The following RBBP7 variants were observed in gnomAD, a reference collection of about 807,000 sequenced individuals.
RBBP7 encodes the protein histone-binding protein RBBP7.
RBBP7 carries 5 observed loss-of-function variants against 35.2 expected under a neutral mutation model. That is an observed-to-expected ratio of 0.14 (90% confidence interval 0.07 to 0.30). The LOEUF (loss-of-function observed/expected upper bound fraction) is 0.30, where lower values mean the gene tolerates loss of function less well. Among genes scored for constraint, RBBP7 ranks in the 10% least tolerant of loss-of-function variants. RBBP7 has a pLI of 1.00. For synonymous variants in RBBP7, 140 were observed against 118.7 expected (o/e 1.18, Z -1.17); for missense variants, 155 against 327.5 (o/e 0.47, Z 4.07).
intron 1 of RBBP7, chrX:16,869,640 A>G (rs774753075): frequency 8.7e-7 from 1 of 1,149,559 alleles, no homozygotes; most frequent in Non-Finnish European, 1.2e-6. Context: ...CTCGGCAGCC[A>G]TAGGCCTGAG....
intron 5 of RBBP7, among the ~76,000 whole-genome samples, chrX:16,855,072 C>T (rs866903701): frequency 5.3e-5 from 5 of 93,694 alleles, no homozygotes; most frequent in South Asian, 1.0e-3. Context: ...TTTTTTGAGA[C>T]GGAGTCTCAC....
At chrX:16,859,018 A>C in intron 3 of RBBP7, among the ~76,000 whole-genome samples, 169 bp from the exon 4 acceptor site, 1 of 112,497 alleles carries the variant, frequency 8.9e-6, no homozygotes. Flanking sequence ...TTCATTTGCC[A>C]CATCAATTTA....
chrX:16,858,713 C>G lies in RBBP7; in HGVS notation c.444G>C (p.Val148=). Residue 148 remains valine, a synonymous_variant, in exon 4 of 12, where the codon GTG becomes GTC. Transcript: ENST00000380087. The part of the protein sequence containing the change: ...IIATKTPSSD[V]LVFDYTKHPA... ...GGTGTTTTGTATAGTCAAAAACCAA[C>G]ACATCAGAAGATGGTGTTTTTGTAG... is the stretch of plus-strand genomic sequence containing the variant. The G allele has an allele frequency of 8.3e-7, 1 of 1,211,589 alleles. No individual in the cohort carries two copies. The highest frequency in any genetic ancestry group is 1.1e-6 in the Non-Finnish European group (1 of 895,451).
At chrX:16,849,343 T>C (rs1272483297) in intron 9 of RBBP7, 42 bp from the exon 10 acceptor site, 2 of 1,121,156 alleles carry the variant, frequency 1.8e-6, no homozygotes, top group East Asian at 3.0e-5. Context: ...AGTGAAATTC[T>C]TGTAGCACGA....
At chrX:16,850,372 A>G (rs897427488) in intron 9 of RBBP7, among the ~76,000 whole-genome samples, 2 of 112,849 alleles carry the variant, frequency 1.8e-5, no homozygotes, top group African/African-American at 6.4e-5. Flanking sequence ...AAACAAGCTA[A>G]GAAATAATTC....
intron 2 of RBBP7, among the ~76,000 whole-genome samples, chrX:16,864,542 A>AAAAAAAAAAAG (rs1569063331): frequency 9.8e-5 from 4 of 40,703 alleles, no homozygotes; most frequent in African/African-American, 4.3e-4. Flanking sequence ...AAAAAAAAAA[A>AAAAAAAAAAAG]AAAAAGAAAA....
At chrX:16,852,490 TAACTG>T (rs774474577) in intron 8 of RBBP7, 56 bp downstream of exon 8, 2 of 1,144,224 alleles carry the variant, frequency 1.7e-6, no homozygotes, top group Non-Finnish European at 2.4e-6. Flanking sequence ...TGGTATAGCT[TAACTG>T]ATGAATCCCT....
At chrX:16,862,149 G>A (rs1409117395) in intron 3 of RBBP7, among the ~76,000 whole-genome samples, 1 of 111,283 alleles carries the variant, frequency 9.0e-6, no homozygotes, top group African/African-American at 3.3e-5. Context: ...ATCCTGTGTG[G>A]CCTTGGACAA....
At chrX:16,868,999 T>C (rs1162560795) in intron 2 of RBBP7, 77 bp downstream of exon 2, 18 of 1,073,700 alleles carry the variant, frequency 1.7e-5, no homozygotes, top group Non-Finnish European at 2.1e-5. Flanking sequence ...TTATGTTCTA[T>C]GCATAAAACG....
At chrX:16,846,846 G>GT (rs1241315303) in intron 10 of RBBP7, 1 of 112,115 alleles carries the variant, frequency 8.9e-6, no homozygotes, top group African/African-American at 3.2e-5. Flanking sequence ...AAAATATGAG[G>GT]TGGGGCTGGG....
At chrX:16,862,862 G>T in intron 3 of RBBP7, 93 bp downstream of exon 3, 1 of 984,876 alleles carries the variant, frequency 1.0e-6, no homozygotes, top group Non-Finnish European at 1.4e-6. Context: ...TTAAATTACT[G>T]GGCCAAAAGC....
chrX:16,853,898 T>C, intron 5 of RBBP7, 56 bp from the exon 6 acceptor site: 1 of 964,776 alleles, frequency 1.0e-6, no homozygotes. Context: ...ACTGATTTTT[T>C]TTTTTTTCCC....
chrX:16,848,501 C>T (rs1930137834), intron 10 of RBBP7: 1 of 111,784 alleles, frequency 8.9e-6, no homozygotes, highest in East Asian at 2.8e-4. Flanking sequence ...TCAATATACT[C>T]CATAGGTTCA....
At chrX:16,852,153 A>G in intron 8 of RBBP7, 31 bp from the exon 9 acceptor site, 1 of 1,078,489 alleles carries the variant, frequency 9.3e-7, no homozygotes. Context: ...AAATGTATTT[A>G]AAGAATCATC....
intron 2 of RBBP7, among the ~76,000 whole-genome samples, chrX:16,868,587 T>G (rs764532253): frequency 1.8e-5 from 2 of 112,536 alleles, no homozygotes; most frequent in Non-Finnish European, 3.8e-5. Context: ...CAAAGTGTAT[T>G]CCATAAGCCG....
At chrX:16,847,960 G>A (rs1602414349) in intron 10 of RBBP7, 1 of 111,736 alleles carries the variant, frequency 8.9e-6, no homozygotes, top group Admixed American at 9.5e-5. Context: ...AATTGTTGCA[G>A]AGGCATAATA....
At chrX:16,869,597 A>T in intron 1 of RBBP7, 1 of 1,163,629 alleles carries the variant, frequency 8.6e-7, no homozygotes, top group Non-Finnish European at 1.1e-6. Flanking sequence ...TCCAATCCCC[A>T]TCAGGGGAGG....
intron 2 of RBBP7, among the ~76,000 whole-genome samples, chrX:16,864,130 A>G (rs1165486522): frequency 2.7e-5 from 3 of 110,939 alleles, no homozygotes; most frequent in African/African-American, 9.9e-5. Flanking sequence ...TTACGGTAAA[A>G]AAGTGTGTGC....
At chrX:16,853,193 C>T in intron 6 of RBBP7, 1 of 235,144 alleles carries the variant, frequency 4.3e-6, no homozygotes, top group Non-Finnish European at 7.6e-6. Flanking sequence ...TTGACAAATG[C>T]CCAGTATTTT....
Sources: allele counts gnomAD v4.1 joint callset (sites outside exome capture counted in the v4.1 genomes callset), GRCh38; gene constraint gnomAD v4.1.1; transcripts MANE v1.5; gene names NCBI Gene and HGNC (gene_info 2026-07-23, HGNC 2026-07-21).